Variants in SMAD6 observed in about 807,000 individuals in gnomAD.
SMAD6 encodes MAD homolog 6.
Under a neutral mutation model 39.4 loss-of-function variants are expected in SMAD6, and 103 were observed. The observed-to-expected ratio is 2.62, with a 90% CI of 2.23 to 3.08. The LOEUF (loss-of-function observed/expected upper bound fraction) is 3.08. SMAD6 is among the 30% of genes most tolerant of loss of function. The probability of loss-of-function intolerance (pLI) is 0.00; values close to 1 mark genes in which losing one functional copy is unlikely to be tolerated. For missense variants in SMAD6, 1,104 were observed against 742.9 expected (o/e 1.49, Z -5.65); for synonymous variants, 445 against 353.3 (o/e 1.26, Z -2.91).
intron 3 of SMAD6, among the ~76,000 whole-genome samples, chr15:66,779,011 C>T (rs983185050): frequency 2.0e-5 from 3 of 152,214 alleles, no homozygotes; most frequent in Admixed American, 2.0e-4. Flanking sequence ...GCTGCAGTTT[C>T]GTGGCTAGGC....
intron 1 of SMAD6, 31 bp downstream of exon 1, chr15:66,704,106 C>A (rs910691073): frequency 1.4e-6 from 2 of 1,393,520 alleles, no homozygotes; most frequent in Admixed American, 6.3e-5. Flanking sequence ...GGGGGGGCCC[C>A]GGGTCCCCGT....
chr15:66,703,782 TCA>T lies in SMAD6; in HGVS notation c.526_527del (p.Thr176ValfsTer126). ...CTGCTGGAGCAGGAACTCAAAACCGTCACGTACTCGCTGCTGAAGCGGCTCAA... is the reference window on the plus strand; with the variant it reads ...CTGCTGGAGCAGGAACTCAAAACCGTCGTACTCGCTGCTGAAGCGGCTCAA... On this transcript the variant is annotated frameshift_variant, in exon 1 of 4. Coordinates refer to ENST00000288840, the MANE Select transcript of SMAD6 (RefSeq NM_005585.5). LOFTEE classifies it high-confidence loss of function. The T allele has an allele frequency of 7.0e-7, 1 of 1,438,844 alleles. No homozygotes were observed. The allele number at this position is 1,438,844 out of a possible 1,614,324, so 89.1% of individuals were successfully genotyped here. A position where few individuals can be genotyped will look rare whatever the true frequency, so the allele number is the denominator to read the frequency against.
chr15:66,761,474 G>A (rs1475469917), intron 3 of SMAD6, among the ~76,000 whole-genome samples: 5 of 152,218 alleles, frequency 3.3e-5, no homozygotes, highest in Non-Finnish European at 5.9e-5. Context: ...TTCCGACAGC[G>A]ATGTGAGGAA....
chr15:66,711,604 C>T (rs1893227364), intron 1 of SMAD6, 64 bp from the exon 2 acceptor site: 6 of 1,229,718 alleles, frequency 4.9e-6, no homozygotes, highest in Admixed American at 1.7e-5. Context: ...TAATTAAAAG[C>T]ATGTAGAACC....
intron 3 of SMAD6, among the ~76,000 whole-genome samples, chr15:66,777,715 G>A (rs926903221): frequency 7.2e-5 from 11 of 152,232 alleles, no homozygotes; most frequent in South Asian, 6.2e-4. Flanking sequence ...AGGTGCCCCA[G>A]GAAGGAGAGG....
intron 3 of SMAD6, among the ~76,000 whole-genome samples, chr15:66,729,872 C>A (rs758226896): frequency 2.0e-5 from 3 of 152,158 alleles, no homozygotes; most frequent in Admixed American, 6.5e-5. Flanking sequence ...GTCAGCATTT[C>A]GCTGAGCCCT....
intron 1 of SMAD6, chr15:66,706,204 T>C (rs1272645386): frequency 2.0e-5 from 3 of 152,202 alleles, no homozygotes; most frequent in Non-Finnish European, 4.4e-5. Context: ...CAGCTTGACT[T>C]TGGATGAGTT....
At chr15:66,775,385 A>T (rs898839201) in intron 3 of SMAD6, among the ~76,000 whole-genome samples, 1 of 152,016 alleles carries the variant, frequency 6.6e-6, no homozygotes, top group Non-Finnish European at 1.5e-5. Context: ...CTGTTGATAG[A>T]TATCTGAGCT....
intron 3 of SMAD6, among the ~76,000 whole-genome samples, chr15:66,762,787 A>G (rs987167045): frequency 6.6e-6 from 1 of 152,230 alleles, no homozygotes; most frequent in African/African-American, 2.4e-5. Context: ...CTGTGGAAGA[A>G]TGTCCATCTG....
At chr15:66,710,052 TC>T (rs1274536512) in intron 1 of SMAD6, among the ~76,000 whole-genome samples, 1 of 152,188 alleles carries the variant, frequency 6.6e-6, no homozygotes, top group African/African-American at 2.4e-5. Context: ...AGACAGGGCA[TC>T]TCTTGATTCC....
chr15:66,722,664 C>T (rs1241946140), intron 3 of SMAD6, among the ~76,000 whole-genome samples: 2 of 152,206 alleles, frequency 1.3e-5, no homozygotes, highest in African/African-American at 2.4e-5. Flanking sequence ...CGCCATGTGT[C>T]TTTTTAGCTT....
At chr15:66,753,763 C>T (rs559337737) in intron 3 of SMAD6, among the ~76,000 whole-genome samples, 17 of 152,254 alleles carry the variant, frequency 1.1e-4, no homozygotes, top group East Asian at 7.7e-4. Context: ...CTCTTCTTGC[C>T]GGACTTCATC....
intron 3 of SMAD6, among the ~76,000 whole-genome samples, chr15:66,764,823 G>A (rs12913975): frequency 0.18 from 26,785 of 152,186 alleles, 2,822 homozygotes; most frequent in Middle Eastern, 0.26. Flanking sequence ...CCAGCTAGCA[G>A]CAAAGGTTCA....
rs1219132545 is a variant in SMAD6 at position 66,703,780 on chromosome 15, C to G, written c.522C>G (p.Thr174=). 1 of 1,436,728 alleles carries G rather than the reference C, an allele frequency of 7.0e-7. No homozygotes were observed. Among genetic ancestry groups the G allele is most frequent in the Non-Finnish European group, 9.2e-7 (1 of 1,084,136 alleles). The allele number at this position is 1,436,728 out of a possible 1,614,324, so 89.0% of individuals were successfully genotyped here. A position where few individuals can be genotyped will look rare whatever the true frequency, so the allele number is the denominator to read the frequency against. The change falls in exon 1 of 4, where the codon ACC becomes ACG. Residue 174 remains threonine, a synonymous_variant. Coordinates refer to ENST00000288840, the MANE Select transcript of SMAD6 (RefSeq NM_005585.5). The stretch of plus-strand genomic sequence containing the variant: ...TGCTGCTGGAGCAGGAACTCAAAAC[C>G]GTCACGTACTCGCTGCTGAAGCGGC... The part of the protein sequence containing the change: ...RLLLLEQELK[T]VTYSLLKRLK...
intron 3 of SMAD6, among the ~76,000 whole-genome samples, chr15:66,763,281 C>T (rs1165525529): frequency 6.6e-6 from 1 of 152,218 alleles, no homozygotes; most frequent in African/African-American, 2.4e-5. Context: ...TGGTGGGCTG[C>T]AGGGTAGCGC....
intron 3 of SMAD6, among the ~76,000 whole-genome samples, chr15:66,750,629 G>A (rs1222793914): frequency 2.0e-4 from 4 of 19,534 alleles, no homozygotes; most frequent in Admixed American, 1.9e-3. Context: ...TTATTGAGGC[G>A]GGGGGTTGAC....
intron 3 of SMAD6, among the ~76,000 whole-genome samples, chr15:66,751,882 C>CGA (rs1417514776): frequency 6.6e-6 from 1 of 152,192 alleles, no homozygotes; most frequent in Non-Finnish European, 1.5e-5. Flanking sequence ...GTGACTTCTC[C>CGA]GAGTCACACG....
rs76393289 is a variant in SMAD6 at position 66,729,907 on chromosome 15, C to T, written c.952+13409C>T. ...TCTGCTCCAGACGAGGGCCTGGGCC[C>T]GCAGAAGGGGCGGGGAGGGGGTGGG... is the stretch of plus-strand genomic sequence containing the variant. On this transcript the variant is annotated intron_variant, in intron 3 of 3. Coordinates refer to ENST00000288840, the MANE Select transcript of SMAD6 (RefSeq NM_005585.5). 7.5e-3 allele frequency among the ~76,000 whole-genome samples: 1,142 copies of T among 152,182 alleles called. 24 individuals carry two copies. The East Asian group carries it at 0.077, about 10-fold the overall frequency.
At chr15:66,717,829 G>C (rs1370832634) in intron 3 of SMAD6, among the ~76,000 whole-genome samples, 1 of 152,142 alleles carries the variant, frequency 6.6e-6, no homozygotes, top group East Asian at 1.9e-4. Context: ...TCTGGTCTTT[G>C]GTGGCTCCCT....
Sources: allele counts gnomAD v4.1 joint callset (sites outside exome capture counted in the v4.1 genomes callset), GRCh38; gene constraint gnomAD v4.1.1; transcripts MANE v1.5; gene names NCBI Gene and HGNC (gene_info 2026-07-23, HGNC 2026-07-21).